Variants in TNIP3 observed in about 807,000 individuals in gnomAD.
TNIP3 encodes the protein TNFAIP3-interacting protein 3.
A neutral mutation model predicts 54.1 loss-of-function variants in TNIP3; 34 were observed. That is an observed-to-expected ratio of 0.63 (90% CI 0.48 to 0.84). The LOEUF is 0.84. Ranked by LOEUF, TNIP3 falls within the 40% of genes least tolerant of loss-of-function variation. The pLI is 0.00. For missense variants in TNIP3, 366 were observed against 387.6 expected (o/e 0.94, Z 0.47); for synonymous variants, 134 against 136.8 (o/e 0.98, Z 0.14).
chr4:121,177,262 AAT>A (rs1315310581), intron 3 of TNIP3, among the ~76,000 whole-genome samples: 1 of 152,180 alleles, frequency 6.6e-6, no homozygotes, highest in Non-Finnish European at 1.5e-5. Flanking sequence ...TTGGAATCTT[AAT>A]ATCATTCTCA....
At chr4:121,147,878 A>G (rs896917121) in intron 6 of TNIP3, among the ~76,000 whole-genome samples, 5 of 152,250 alleles carry the variant, frequency 3.3e-5, no homozygotes, top group Admixed American at 2.0e-4. Context: ...CTAAAGGTTT[A>G]TCAATTTTAT....
chr4:121,148,068 T>C lies in TNIP3; in HGVS notation c.610-894A>G, dbSNP rs564419879. ...GATTTTTTTGGTTGAGAACTGACAT[T>C]CATTTCCAGAGACAGTTAAACTGAT... On this transcript the variant is annotated intron_variant, in intron 6 of 10. Transcript: ENST00000057513. Among the ~76,000 whole-genome samples the C allele has an allele frequency of 3.3e-4, 50 of 152,274 alleles. 1 individual carries two copies. The South Asian group carries it at 9.3e-3, about 28-fold the overall frequency.
intron 2 of TNIP3, among the ~76,000 whole-genome samples, chr4:121,213,508 T>C (rs1726592276): frequency 6.6e-6 from 1 of 151,912 alleles, no homozygotes; most frequent in Non-Finnish European, 1.5e-5. Context: ...GGGTGGATCA[T>C]GAGGTCAGGA....
rs551608983 is a variant in TNIP3 at position 121,216,526 on chromosome 4, T to C, written c.-18-26A>G. On this transcript the variant is annotated intron_variant, in intron 1 of 12. Coordinates refer to the TNIP3 transcript ENST00000507879. ...CTAAAATAAAAAAATATGAAGGACA[T>C]GAGGCTCAGATGTACGTCAAGGGAA... The C allele has an allele frequency of 2.0e-6, 3 of 1,534,996 alleles. No individual in the cohort carries two copies. In the African/African-American group the frequency reaches 4.1e-5, roughly 21 times the overall value.
intron 4 of TNIP3, among the ~76,000 whole-genome samples, 166 bp downstream of exon 4, chr4:121,156,928 T>G (rs555307079): frequency 6.6e-6 from 1 of 152,316 alleles, no homozygotes; most frequent in African/African-American, 2.4e-5. Flanking sequence ...GAAGTGACCC[T>G]TGTTCATGGC....
chr4:121,142,377 T>A (rs538790925), intron 8 of TNIP3, among the ~76,000 whole-genome samples: 5 of 152,236 alleles, frequency 3.3e-5, no homozygotes, highest in Non-Finnish European at 7.3e-5. Flanking sequence ...AGAAGGCATG[T>A]TATTTTTTCA....
chr4:121,177,317 C>T (rs1191347768), intron 3 of TNIP3, among the ~76,000 whole-genome samples: 1 of 152,150 alleles, frequency 6.6e-6, no homozygotes, highest in Admixed American at 6.6e-5. Context: ...TTTTAAATGA[C>T]CTTTGGTCAC....
intron 2 of TNIP3, among the ~76,000 whole-genome samples, chr4:121,213,979 C>A (rs1162114645): frequency 2.0e-5 from 3 of 152,130 alleles, no homozygotes; most frequent in Non-Finnish European, 4.4e-5. Flanking sequence ...TACTGACAAT[C>A]AAAAGTATTC....
At chr4:121,194,849 G>GA (rs564026329) in intron 2 of TNIP3, among the ~76,000 whole-genome samples, 5 of 126,132 alleles carry the variant, frequency 4.0e-5, no homozygotes, top group South Asian at 2.2e-4. Flanking sequence ...ATGAACAATA[G>GA]AAAAAAAAAA....
rs769847099 is a variant in TNIP3 at position 121,150,093 on chromosome 4, A to G, written c.609+10T>C. 1.3e-6 allele frequency: 2 copies of G among 1,590,142 alleles called. No individual in the cohort carries two copies. The highest frequency in any genetic ancestry group is 4.5e-5 in the East Asian group (2 of 44,686). ...TTCTCCACAGGATCATGCCACTTCCAGCTTCTCACCTGCTGCTTCAGAACT... is the reference window on the plus strand; with the variant it reads ...TTCTCCACAGGATCATGCCACTTCCGGCTTCTCACCTGCTGCTTCAGAACT... On this transcript the variant is annotated intron_variant, in intron 6 of 10. Transcript: ENST00000057513.
At chr4:121,150,052 A>T in intron 6 of TNIP3, 51 bp downstream of exon 6, 1 of 1,168,356 alleles carries the variant, frequency 8.6e-7, no homozygotes. Flanking sequence ...AAGAAGCATG[A>T]AAAATGGGCA....
chr4:121,182,514 C>A (rs1724771390), intron 3 of TNIP3, among the ~76,000 whole-genome samples: 1 of 152,146 alleles, frequency 6.6e-6, no homozygotes, highest in South Asian at 2.1e-4. Flanking sequence ...CAGGAAGTGG[C>A]TGTGTGAGAG....
intron 2 of TNIP3, among the ~76,000 whole-genome samples, chr4:121,197,125 AGTT>A (rs1725634082): frequency 1.3e-5 from 2 of 152,246 alleles, no homozygotes; most frequent in South Asian, 4.1e-4. Flanking sequence ...GCAATATAAA[AGTT>A]GTACTCATAA....
intron 3 of TNIP3, among the ~76,000 whole-genome samples, chr4:121,171,563 A>T (rs1238158535): frequency 2.0e-5 from 3 of 152,198 alleles, no homozygotes; most frequent in African/African-American, 7.2e-5. Flanking sequence ...AAAACAAATT[A>T]GTAGATGAAG....
chr4:121,149,306 C>T (rs1029611216), intron 6 of TNIP3, among the ~76,000 whole-genome samples: 11 of 152,278 alleles, frequency 7.2e-5, no homozygotes, highest in Non-Finnish European at 1.0e-4. Flanking sequence ...CATCCATACA[C>T]GGGACTAGCT....
At chr4:121,183,510 G>T (rs1489009206) in intron 2 of TNIP3, among the ~76,000 whole-genome samples, 1 of 152,148 alleles carries the variant, frequency 6.6e-6, no homozygotes, top group Non-Finnish European at 1.5e-5. Flanking sequence ...TATACCAGGG[G>T]TCCCCAACCC....
chr4:121,220,590 T>C (rs1337306181), upstream of TNIP3, among the ~76,000 whole-genome samples: 1 of 152,188 alleles, frequency 6.6e-6, no homozygotes, highest in African/African-American at 2.4e-5. Flanking sequence ...ACTGAAACAA[T>C]GTTTTTTTTT....
At chr4:121,159,444 C>A (rs1730314438) in intron 2 of TNIP3, among the ~76,000 whole-genome samples, 1 of 152,128 alleles carries the variant, frequency 6.6e-6, no homozygotes, top group South Asian at 2.1e-4. Flanking sequence ...TTTCTTAATG[C>A]ATGGAGGTTC....
chr4:121,165,634 C>A (rs962807693), upstream of TNIP3, among the ~76,000 whole-genome samples: 1 of 151,062 alleles, frequency 6.6e-6, no homozygotes, highest in South Asian at 2.1e-4. Flanking sequence ...TAATGATTTA[C>A]AAAATCGATG....
Sources: allele counts gnomAD v4.1 joint callset (sites outside exome capture counted in the v4.1 genomes callset), GRCh38; gene constraint gnomAD v4.1.1; transcripts MANE v1.5; gene names NCBI Gene and HGNC (gene_info 2026-07-23, HGNC 2026-07-21).